DST: variants seen among roughly 807,000 people sequenced by gnomAD.
DST encodes the protein dystonin.
A neutral mutation model predicts 875.2 loss-of-function variants in DST; 253 were observed. The ratio of observed to expected loss-of-function variants is 0.29; its 90% CI spans 0.26 to 0.32. The LOEUF is 0.32. Ranked by LOEUF, DST falls within the 10% of genes least tolerant of loss-of-function variation. The pLI, the probability that DST is intolerant of heterozygous loss-of-function variation, is 1.00. For missense variants in DST, 8,287 were observed against 9,111.6 expected (o/e 0.91, Z 3.68); for synonymous variants, 3,124 against 3,197.1 (o/e 0.98, Z 0.77).
intron 3 of DST, among the ~76,000 whole-genome samples, chr6:56,861,090 A>G (rs1201368355): frequency 1.3e-5 from 2 of 152,088 alleles, no homozygotes; most frequent in East Asian, 3.8e-4. Flanking sequence ...CATTTTCATT[A>G]CCTGTCTTCA....
chr6:56,829,028 A>G (rs1467201116), intron 4 of DST, among the ~76,000 whole-genome samples: 3 of 152,226 alleles, frequency 2.0e-5, no homozygotes, highest in Admixed American at 2.0e-4. Flanking sequence ...CTGGTTTAAA[A>G]ATCTTGGAGA....
intron 2 of DST, among the ~76,000 whole-genome samples, chr6:56,932,036 G>A (rs992217960): frequency 3.3e-5 from 5 of 152,082 alleles, no homozygotes; most frequent in Non-Finnish European, 4.4e-5. Context: ...GATTAGGAGG[G>A]GCCAGGGGCT....
chr6:56,668,824 A>T (rs2099085149), intron 10 of DST, among the ~76,000 whole-genome samples: 1 of 151,840 alleles, frequency 6.6e-6, no homozygotes, highest in South Asian at 2.1e-4. Context: ...GAGTGTGTGT[A>T]TGTGGAGGAT....
intron 4 of DST, among the ~76,000 whole-genome samples, chr6:56,806,339 A>G (rs1161025406): frequency 1.3e-5 from 2 of 152,236 alleles, no homozygotes; most frequent in East Asian, 3.8e-4. Context: ...AATTAAACCC[A>G]TAAACACATA....
chr6:56,481,148 G>C (rs544879846), intron 90 of DST, among the ~76,000 whole-genome samples: 1 of 152,004 alleles, frequency 6.6e-6, no homozygotes, highest in East Asian at 1.9e-4. Flanking sequence ...TTTGATAGAG[G>C]GTGTTAATTA....
intron 3 of DST, among the ~76,000 whole-genome samples, chr6:56,889,434 C>T (rs866943434): frequency 1.3e-5 from 2 of 152,164 alleles, no homozygotes; most frequent in Non-Finnish European, 2.9e-5. Flanking sequence ...TTCAAAAATC[C>T]CATTGCTTGA....
chr6:56,945,294 A>G (rs1487624181), intron 2 of DST, among the ~76,000 whole-genome samples: 5 of 152,202 alleles, frequency 3.3e-5, no homozygotes, highest in African/African-American at 1.2e-4. Flanking sequence ...TAGGGCTTGA[A>G]CCAAAGAAAC....
At chr6:56,586,549 C>T (rs1171497174) in intron 49 of DST, among the ~76,000 whole-genome samples, 2 of 152,002 alleles carry the variant, frequency 1.3e-5, no homozygotes, top group Non-Finnish European at 1.5e-5. Context: ...ACTCTTGATC[C>T]AATTTGCCAG....
chr6:56,755,759 T>C (rs1260165959), intron 4 of DST, among the ~76,000 whole-genome samples: 1 of 152,222 alleles, frequency 6.6e-6, no homozygotes, highest in East Asian at 1.9e-4. Context: ...GAAGTGTTTA[T>C]CAGCCTAAAA....
At position 56,708,205 on chromosome 6, in the gene DST, T is replaced by G. The variant is rs184166993; in HGVS notation, c.688-3836A>C. Among the ~76,000 whole-genome samples the G allele has an allele frequency of 9.2e-4, 140 of 152,068 alleles. No individual in the cohort carries two copies. The East Asian group carries it at 0.016, about 18-fold the overall frequency. On this transcript the variant is annotated intron_variant, in intron 5 of 103. Coordinates refer to ENST00000680361, the MANE Select transcript of DST (RefSeq NM_001374736.1). Reference sequence around the variant, plus strand: ...AGCCTAAACTCTCTAGGCTTCAGGGTTTTTTTTATCTTTAAAATAAAGGTT... The same window carrying G: ...AGCCTAAACTCTCTAGGCTTCAGGGGTTTTTTTATCTTTAAAATAAAGGTT...
intron 4 of DST, among the ~76,000 whole-genome samples, chr6:56,780,795 C>T (rs2099691924): frequency 6.6e-6 from 1 of 151,660 alleles, no homozygotes; most frequent in Non-Finnish European, 1.5e-5. Context: ...ACATGAAGTC[C>T]TTGCCCATGC....
Position 56,553,054 on chromosome 6 carries a change from C to G in DST, c.15738G>C (p.Glu5246Asp). 1 of 1,613,874 alleles carries G rather than the reference C, an allele frequency of 6.2e-7. No individual in the cohort carries two copies. The highest frequency in any genetic ancestry group is 8.5e-7 in the Non-Finnish European group (1 of 1,179,888). ...CEIDKEVVTD[E>D]NKSLIQKVDM... ...CCACCTTCTGGATCAGTGACTTATT[C>G]TCATCTGTAACAACTTCTTTATCTA... The change falls in exon 61 of 104, where the codon GAG (glutamate) becomes GAC (aspartate). Residue 5246 changes from glutamate (E) to aspartate (D), a missense_variant. Glu to Asp is a conservative substitution (Grantham distance 45, BLOSUM62 2). This residue lies in a region of DST where 1,513 missense variants were observed against 1,677.8 expected (regional missense o/e 0.90). Coordinates refer to ENST00000680361, the MANE Select transcript of DST (RefSeq NM_001374736.1).
In DST at chr6:56,598,627, C is replaced by T. The variant is rs1439462134; in HGVS notation, c.11777G>A (p.Gly3926Asp). The part of the protein sequence containing the change: ...KNTENFLKEN[G>D]EKLSQEDKAL... ...CTTATCTTCCTGTGACAGCTTTTCACCATTCTCTTTTAAGAAGTTCTCTGT... is the reference window on the plus strand; with the variant it reads ...CTTATCTTCCTGTGACAGCTTTTCATCATTCTCTTTTAAGAAGTTCTCTGT... The change falls in exon 46 of 104, where the codon GGT (glycine) becomes GAT (aspartate). Residue 3926 changes from glycine (G) to aspartate (D), a missense_variant. This residue lies in a region of DST where 1,513 missense variants were observed against 1,677.8 expected (regional missense o/e 0.90). Coordinates refer to ENST00000680361, the MANE Select transcript of DST (RefSeq NM_001374736.1). The T allele has an allele frequency of 2.5e-6, 4 of 1,612,022 alleles. No homozygotes were observed. The South Asian group carries it at 3.3e-5, about 13-fold the overall frequency.
At chr6:56,615,385 T>C (rs2098603581) in intron 36 of DST, 2 of 1,529,364 alleles carry the variant, frequency 1.3e-6, no homozygotes, top group Admixed American at 4.1e-5. Context: ...CACTTAGCAA[T>C]TTGCAGCCCT....
chr6:56,801,831 C>A (rs886829338), intron 4 of DST, among the ~76,000 whole-genome samples: 2 of 150,010 alleles, frequency 1.3e-5, no homozygotes, highest in Non-Finnish European at 3.0e-5. Context: ...CTCACTGCAA[C>A]CTCCACCTCC....
intron 5 of DST, among the ~76,000 whole-genome samples, chr6:56,729,810 T>G (rs531625726): frequency 6.6e-6 from 1 of 152,104 alleles, no homozygotes; most frequent in African/African-American, 2.4e-5. Flanking sequence ...TGTGATTGAT[T>G]TGGTGGAGTC....
chr6:56,594,757 C>T (rs905965318), intron 47 of DST, among the ~76,000 whole-genome samples: 4 of 152,230 alleles, frequency 2.6e-5, no homozygotes, highest in African/African-American at 9.6e-5. Flanking sequence ...AATCCTGGAG[C>T]TACTCAGCTT....
At chr6:56,780,844 G>C (rs1404379606) in intron 4 of DST, among the ~76,000 whole-genome samples, 1 of 152,062 alleles carries the variant, frequency 6.6e-6, no homozygotes, top group African/African-American at 2.4e-5. Context: ...TTCTTCTAGG[G>C]TTTTTATGGT....
rs2152739957 is a variant in DST at position 56,620,503 on chromosome 6, T to G, written c.4929+4027A>C. 9.9e-6 allele frequency: 16 copies of G among 1,614,126 alleles called. No individual in the cohort carries two copies. The highest frequency in any genetic ancestry group is 1.4e-5 in the Non-Finnish European group (16 of 1,180,030). On this transcript the variant is annotated intron_variant, in intron 36 of 103. Transcript: ENST00000680361. The stretch of plus-strand genomic sequence containing the variant: ...TCTGCAGAGAGATATCTTCTACATT[T>G]CTCTGCTGCTTTCTCAATTCATTTT...
Sources: allele counts gnomAD v4.1 joint callset (sites outside exome capture counted in the v4.1 genomes callset), GRCh38; gene constraint gnomAD v4.1.1; regional missense constraint gnomAD v4.1.1; transcripts MANE v1.5; gene names NCBI Gene and HGNC (gene_info 2026-07-23, HGNC 2026-07-21).